The following GALNT10 variants were observed in gnomAD, a reference collection of about 807,000 sequenced individuals.
GALNT10 encodes the protein polypeptide N-acetylgalactosaminyltransferase 10, also known as GalNAc transferase 10.
GALNT10 carries 41 observed loss-of-function variants against 75.0 expected under a neutral mutation model. The observed-to-expected ratio is 0.55, with a 90% CI of 0.43 to 0.71. GALNT10 has a LOEUF of 0.71. Among genes scored for constraint, GALNT10 ranks in the 30% least tolerant of loss-of-function variants. GALNT10 has a pLI of 0.00. For synonymous variants in GALNT10, 302 were observed against 313.0 expected, an observed-to-expected ratio of 0.96 and a Z score of 0.37; for missense variants, 727 against 818.5, an observed-to-expected ratio of 0.89 and a Z score of 1.36.
chr5:154,243,477 A>G (rs1281156595), intron 1 of GALNT10, among the ~76,000 whole-genome samples: 2 of 152,192 alleles, frequency 1.3e-5, no homozygotes, highest in African/African-American at 2.4e-5. Flanking sequence ...CAAAAGTGCC[A>G]ATATTACGTA....
In GALNT10 at chr5:154,366,990, A is replaced by C. The variant is rs1426181233; in HGVS notation, c.569-9287A>C. Among the ~76,000 whole-genome samples the C allele has an allele frequency of 3.3e-5, 5 of 152,166 alleles. No homozygotes were observed. The East Asian group carries it at 9.6e-4, about 29-fold the overall frequency. On this transcript the variant is annotated intron_variant, in intron 4 of 11. Coordinates refer to ENST00000297107, the MANE Select transcript of GALNT10 (RefSeq NM_198321.4). ...CATTATAGGTTCCAGGCTGTGCCCT[A>C]GGCCAGGGTTTTTCAGATGGTAGGA...
chr5:154,202,335 G>A (rs1006076843), intron 1 of GALNT10, among the ~76,000 whole-genome samples: 3 of 152,194 alleles, frequency 2.0e-5, no homozygotes, highest in African/African-American at 7.2e-5. Context: ...CATGGAGTGT[G>A]GGGCACAGCT....
chr5:154,327,801 A>T (rs1170310451), intron 3 of GALNT10, among the ~76,000 whole-genome samples: 1 of 152,244 alleles, frequency 6.6e-6, no homozygotes, highest in Non-Finnish European at 1.5e-5. Context: ...CAAACTCCTG[A>T]TGAAATAAAA....
intron 4 of GALNT10, among the ~76,000 whole-genome samples, chr5:154,334,179 A>G (rs888352868): frequency 1.3e-5 from 2 of 152,236 alleles, no homozygotes; most frequent in African/African-American, 4.8e-5. Context: ...ACTAATTGTA[A>G]TTCAGCTAAG....
intron 4 of GALNT10, among the ~76,000 whole-genome samples, chr5:154,363,750 C>T (rs1755432763): frequency 6.6e-6 from 1 of 152,096 alleles, no homozygotes; most frequent in South Asian, 2.1e-4. Context: ...ATATCCTGCC[C>T]AGATGATAGC....
At chr5:154,293,613 A>ATATTTTTTTTTTTTTTTTTTTTTT in intron 1 of GALNT10, among the ~76,000 whole-genome samples, 5 of 109,358 alleles carry the variant, frequency 4.6e-5, no homozygotes, top group Non-Finnish European at 9.5e-5. Context: ...ATATATATAT[A>ATATTTTTTTTTTTTTTTTTTTTTT]TTTTTTTTTT....
At chr5:154,227,286 TCA>T in intron 1 of GALNT10, among the ~76,000 whole-genome samples, 1 of 152,352 alleles carries the variant, frequency 6.6e-6, no homozygotes, top group Admixed American at 6.5e-5. Context: ...TATGAGAATT[TCA>T]GTTTCCCCAC....
At chr5:154,219,653 G>A (rs897247636) in intron 1 of GALNT10, 3 of 152,182 alleles carry the variant, frequency 2.0e-5, no homozygotes, top group Non-Finnish European at 2.9e-5. Context: ...TTCTATGGGT[G>A]GGCCGGGGAA....
At chr5:154,314,982 T>C (rs1754575757) in intron 3 of GALNT10, among the ~76,000 whole-genome samples, 1 of 152,120 alleles carries the variant, frequency 6.6e-6, no homozygotes, top group African/African-American at 2.4e-5. Context: ...TCAGTGTTGA[T>C]AGGGCCTTGC....
At chr5:154,236,410 A>G (rs960090906) in intron 1 of GALNT10, among the ~76,000 whole-genome samples, 4 of 152,216 alleles carry the variant, frequency 2.6e-5, no homozygotes, top group Admixed American at 2.0e-4. Flanking sequence ...TAAATGAGCT[A>G]CTTTCCATAT....
At chr5:154,211,461 T>C (rs1159327279) in intron 1 of GALNT10, among the ~76,000 whole-genome samples, 1 of 152,198 alleles carries the variant, frequency 6.6e-6, no homozygotes. Flanking sequence ...ATCTCATCCG[T>C]GTATGCAGGT....
intron 1 of GALNT10, among the ~76,000 whole-genome samples, chr5:154,199,866 C>T (rs1774999557): frequency 6.6e-6 from 1 of 152,184 alleles, no homozygotes; most frequent in African/African-American, 2.4e-5. Context: ...GGGCTTCCTG[C>T]TCCTTCTCCT....
At chr5:154,405,459 G>A (rs1439920418) in intron 8 of GALNT10, among the ~76,000 whole-genome samples, 2 of 152,132 alleles carry the variant, frequency 1.3e-5, no homozygotes, top group Non-Finnish European at 2.9e-5. Context: ...CACGGGCGGG[G>A]GGTAGGTTCT....
At chr5:154,198,056 C>T (rs1322759883) in intron 1 of GALNT10, among the ~76,000 whole-genome samples, 1 of 152,168 alleles carries the variant, frequency 6.6e-6, no homozygotes, top group Non-Finnish European at 1.5e-5. Context: ...TCTTCAGTAG[C>T]TGAAGTGGAG....
intron 1 of GALNT10, among the ~76,000 whole-genome samples, chr5:154,290,201 A>G (rs1486592977): frequency 6.8e-6 from 1 of 146,164 alleles, no homozygotes; most frequent in Non-Finnish European, 1.5e-5. Flanking sequence ...AAGTGATTCT[A>G]CTGCCTCAGC....
intron 1 of GALNT10, among the ~76,000 whole-genome samples, chr5:154,205,571 C>T (rs761045679): frequency 1.1e-4 from 17 of 152,222 alleles, no homozygotes; most frequent in Non-Finnish European, 2.2e-4. Context: ...CAAAAAGATA[C>T]GGCAAAGTCC....
At chr5:154,241,974 C>G (rs2113668585) in intron 1 of GALNT10, among the ~76,000 whole-genome samples, 1 of 152,278 alleles carries the variant, frequency 6.6e-6, no homozygotes, top group East Asian at 1.9e-4. Context: ...GCTTCTTATT[C>G]TTCATCACCA....
intron 3 of GALNT10, among the ~76,000 whole-genome samples, chr5:154,328,958 C>T (rs979153208): frequency 1.3e-5 from 2 of 152,116 alleles, no homozygotes; most frequent in Non-Finnish European, 2.9e-5. Flanking sequence ...GCTCCTGTCC[C>T]CTTCCTGGAG....
chr5:154,359,930 G>C lies in GALNT10; in HGVS notation c.569-16347G>C, dbSNP rs73283356. ...AGCCACTTCAGAGGGCAATTTGGAA[G>C]TATCAAAAAAATTTTAATGTGCATA... On this transcript the variant is annotated intron_variant, in intron 4 of 11. Transcript: ENST00000297107. Among the ~76,000 whole-genome samples, 1,467 of 151,922 alleles carry C rather than the reference G, an allele frequency of 9.7e-3. 19 individuals carry two copies. The highest frequency in any genetic ancestry group is 0.034 in the African/African-American group (1,418 of 41,408).
Sources: allele counts gnomAD v4.1 joint callset (sites outside exome capture counted in the v4.1 genomes callset), GRCh38; gene constraint gnomAD v4.1.1; transcripts MANE v1.5; gene names NCBI Gene and HGNC (gene_info 2026-07-23, HGNC 2026-07-21).